Variants in SGK3 observed in about 807,000 individuals in gnomAD.
The protein encoded by SGK3 is serine/threonine-protein kinase Sgk3.
Under a neutral mutation model 68.5 loss-of-function variants are expected in SGK3, and 47 were observed. The ratio of observed to expected loss-of-function variants is 0.69; its 90% confidence interval spans 0.54 to 0.87. SGK3 has a LOEUF of 0.87. Ranked by LOEUF, SGK3 falls within the 40% of genes least tolerant of loss-of-function variation. The pLI, the probability that SGK3 is intolerant of heterozygous loss-of-function variation, is 0.00. For synonymous variants in SGK3, 181 were observed against 189.1 expected (o/e 0.96, Z 0.35); for missense variants, 479 against 575.5 (o/e 0.83, Z 1.72).
chr8:66,802,596 G>C (rs1002121753), intron 3 of SGK3, among the ~76,000 whole-genome samples: 1 of 151,850 alleles, frequency 6.6e-6, no homozygotes, highest in Admixed American at 6.6e-5. Flanking sequence ...GGGCTGAGGG[G>C]AGGATCACTT....
At chr8:66,780,725 T>G (rs905165100) in intron 1 of SGK3, among the ~76,000 whole-genome samples, 2 of 152,148 alleles carry the variant, frequency 1.3e-5, no homozygotes, top group South Asian at 4.2e-4. Context: ...TTAGGCCCTG[T>G]GGGGGACTGT....
At chr8:66,744,413 T>G (rs1235448803) in intron 1 of SGK3, among the ~76,000 whole-genome samples, 1 of 147,622 alleles carries the variant, frequency 6.8e-6, no homozygotes, top group Non-Finnish European at 1.5e-5. Flanking sequence ...CTGGAATTTC[T>G]TGGGAAATTT....
At chr8:66,733,679 C>T (rs1371149211) in intron 1 of SGK3, among the ~76,000 whole-genome samples, 1 of 152,064 alleles carries the variant, frequency 6.6e-6, no homozygotes, top group Non-Finnish European at 1.5e-5. Flanking sequence ...TTTTAAATTA[C>T]TCAAAGTTCC....
intron 14 of SGK3, among the ~76,000 whole-genome samples, chr8:66,843,839 C>CAA (rs892875321): frequency 1.6e-4 from 25 of 151,914 alleles, no homozygotes; most frequent in African/African-American, 5.6e-4. Flanking sequence ...ACTAAAAATA[C>CAA]AAAAAATTAT....
At chr8:66,854,753 G>GA (rs1197476806) in intron 16 of SGK3, among the ~76,000 whole-genome samples, 2 of 152,190 alleles carry the variant, frequency 1.3e-5, no homozygotes, top group East Asian at 3.9e-4. Context: ...GTGGAGGGGA[G>GA]AAAAAAGGAA....
intron 1 of SGK3, among the ~76,000 whole-genome samples, chr8:66,792,066 A>G (rs575142259): frequency 5.8e-4 from 89 of 152,304 alleles, no homozygotes; most frequent in Middle Eastern, 3.4e-3. Flanking sequence ...GCAGTGGTTC[A>G]CGCCTGTAAT....
At chr8:66,810,989 A>G (rs1808360092) in intron 4 of SGK3, among the ~76,000 whole-genome samples, 1 of 152,082 alleles carries the variant, frequency 6.6e-6, no homozygotes, top group African/African-American at 2.4e-5. Flanking sequence ...TTTTAATAGG[A>G]TGCACCCAGA....
chr8:66,808,076 A>AAAT (rs1404029344), intron 4 of SGK3, among the ~76,000 whole-genome samples: 1 of 152,228 alleles, frequency 6.6e-6, no homozygotes, highest in Non-Finnish European at 1.5e-5. Flanking sequence ...ATGGAAGAAT[A>AAAT]AATAAAAAAC....
At chr8:66,731,136 C>G (rs1805139019) in intron 1 of SGK3, among the ~76,000 whole-genome samples, 1 of 152,136 alleles carries the variant, frequency 6.6e-6, no homozygotes. Flanking sequence ...AGAGAACACA[C>G]TTTGTATGAT....
chr8:66,726,685 C>T (rs1174730529), intron 1 of SGK3, among the ~76,000 whole-genome samples: 4 of 150,928 alleles, frequency 2.7e-5, no homozygotes. Flanking sequence ...ACTGTAGCCC[C>T]AACAATTTGG....
intron 1 of SGK3, among the ~76,000 whole-genome samples, chr8:66,783,724 G>C (rs564541430): frequency 2.0e-5 from 3 of 151,970 alleles, no homozygotes; most frequent in African/African-American, 7.2e-5. Context: ...ATGAGGTCTC[G>C]CATATTGCCC....
intron 1 of SGK3, among the ~76,000 whole-genome samples, chr8:66,791,336 A>G (rs866752868): frequency 5.9e-5 from 9 of 152,328 alleles, no homozygotes; most frequent in Admixed American, 4.6e-4. Flanking sequence ...ACTTCTGGAC[A>G]TGTGGCTGGG....
intron 15 of SGK3, 98 bp from the exon 16 acceptor site, chr8:66,850,733 A>T: frequency 8.7e-7 from 1 of 1,150,692 alleles, no homozygotes; most frequent in Non-Finnish European, 1.2e-6. Flanking sequence ...AGAGTTATTG[A>T]GGGGCAAAAT....
At position 66,759,293 on chromosome 8, in the gene SGK3, C is replaced by T. The variant is rs1020752518; in HGVS notation, c.-121-34323C>T. On this transcript the variant is annotated intron_variant, in intron 1 of 16. Coordinates refer to ENST00000521198, the MANE Select transcript of SGK3 (RefSeq NM_001033578.3). ...AGAGATGGGGTTTCACTATGTTGGC[C>T]AGGCTGGTCTCGAACTCCTGACCTC... Among the ~76,000 whole-genome samples, 8 of 151,702 alleles carry T rather than the reference C, an allele frequency of 5.3e-5. No homozygotes were observed. The East Asian group carries it at 1.2e-3, about 22-fold the overall frequency.
intron 15 of SGK3, among the ~76,000 whole-genome samples, chr8:66,848,848 T>C (rs1585811143): frequency 6.6e-6 from 1 of 152,182 alleles, no homozygotes; most frequent in South Asian, 2.1e-4. Context: ...AGTCTCCCTT[T>C]CCCAAGCTCT....
chr8:66,808,684 G>C (rs1424010297), intron 4 of SGK3, among the ~76,000 whole-genome samples: 1 of 151,356 alleles, frequency 6.6e-6, no homozygotes, highest in Non-Finnish European at 1.5e-5. Context: ...GGTTAATTTT[G>C]TATTTTTAGT....
intron 1 of SGK3, among the ~76,000 whole-genome samples, chr8:66,743,853 T>A (rs1240127651): frequency 6.6e-6 from 1 of 152,240 alleles, no homozygotes; most frequent in Non-Finnish European, 1.5e-5. Context: ...TCCTAAGCCC[T>A]GTAGCAGCCT....
intron 1 of SGK3, among the ~76,000 whole-genome samples, chr8:66,766,606 C>G (rs1297814296): frequency 6.6e-6 from 1 of 152,112 alleles, no homozygotes; most frequent in Non-Finnish European, 1.5e-5. Context: ...CTGATTTTCT[C>G]TCTACTTGTG....
At chr8:66,751,109 C>T (rs1355554815) in intron 1 of SGK3, among the ~76,000 whole-genome samples, 1 of 151,710 alleles carries the variant, frequency 6.6e-6, no homozygotes, top group Non-Finnish European at 1.5e-5. Context: ...ACCATCCTAG[C>T]TAACACACGG....
Sources: allele counts gnomAD v4.1 joint callset (sites outside exome capture counted in the v4.1 genomes callset), GRCh38; gene constraint gnomAD v4.1.1; transcripts MANE v1.5; gene names NCBI Gene and HGNC (gene_info 2026-07-23, HGNC 2026-07-21).